The following TENT5C variants were observed in gnomAD, a reference collection of about 807,000 sequenced individuals.
The protein encoded by TENT5C is terminal nucleotidyltransferase 5C, also known as family with sequence similarity 46 member C.
In TENT5C, 5 loss-of-function variants were observed where a neutral mutation model predicts 22.2. The ratio of observed to expected loss-of-function variants is 0.22; its 90% CI spans 0.12 to 0.47. The LOEUF (loss-of-function observed/expected upper bound fraction) is 0.47, where lower values mean the gene tolerates loss of function less well. Ranked by LOEUF, TENT5C falls within the 20% of genes least tolerant of loss-of-function variation. TENT5C has a pLI of 0.99. For synonymous variants in TENT5C, 199 were observed against 195.4 expected (o/e 1.02, Z -0.15); for missense variants, 364 against 500.9 (o/e 0.73, Z 2.61).
chr1:117,607,972 T>A (rs754624649), intron 1 of TENT5C, among the ~76,000 whole-genome samples: 10 of 152,186 alleles, frequency 6.6e-5, no homozygotes, highest in Admixed American at 2.0e-4. Context: ...TACCCATAGC[T>A]TTAGAGTACA....
chr1:117,608,206 A>G (rs978366552), intron 1 of TENT5C, among the ~76,000 whole-genome samples: 3 of 152,302 alleles, frequency 2.0e-5, no homozygotes, highest in Non-Finnish European at 1.5e-5. Context: ...TTTTTTCCAC[A>G]ATACCTACCT....
In TENT5C at chr1:117,624,134, C is replaced by A; in HGVS notation, c.*90C>A. On this transcript the variant is annotated 3_prime_UTR_variant, in exon 2 of 2. Transcript: ENST00000369448. ...CCTCCTTCTAGATGTAGGCATTTGGCTTTTAAAGGGGAACTCAGCTCTGAT... is the reference window on the plus strand; with the variant it reads ...CCTCCTTCTAGATGTAGGCATTTGGATTTTAAAGGGGAACTCAGCTCTGAT... 1 of 1,067,938 alleles carries A rather than the reference C, an allele frequency of 9.4e-7. No homozygotes were observed. Among genetic ancestry groups the A allele is most frequent in the Non-Finnish European group, 1.3e-6 (1 of 754,978 alleles). The allele number at this position is 1,067,938 out of a possible 1,614,324, so 66.2% of individuals were successfully genotyped here.
chr1:117,618,073 C>T (rs570944830), intron 1 of TENT5C, among the ~76,000 whole-genome samples: 23 of 152,306 alleles, frequency 1.5e-4, no homozygotes, highest in African/African-American at 5.1e-4. Flanking sequence ...AAGTGAAAAA[C>T]TACGCCATGG....
chr1:117,620,631 C>T (rs1407559585), intron 1 of TENT5C, among the ~76,000 whole-genome samples: 1 of 152,166 alleles, frequency 6.6e-6, no homozygotes, highest in Non-Finnish European at 1.5e-5. Context: ...AGGAACTGGG[C>T]CGCACAGCAG....
rs1017544969 is a variant in TENT5C, at chr1:117,625,117, T to C, written c.*1073T>C. The C allele has an allele frequency of 8.9e-5, 22 of 247,518 alleles. No individual in the cohort carries two copies. The highest frequency in any genetic ancestry group is 1.8e-4 in the South Asian group (1 of 5,534). The allele number at this position is 247,518 out of a possible 1,614,324, so 15.3% of individuals were successfully genotyped here. A position where few individuals can be genotyped will look rare whatever the true frequency, so the allele number is the denominator to read the frequency against. Reference sequence around the variant, plus strand: ...TTTTGTTCTTTTCGTTTTTTTTTTTTCCAAAAATAGTGACTTCCTTCTCCA... The same window carrying C: ...TTTTGTTCTTTTCGTTTTTTTTTTTCCCAAAAATAGTGACTTCCTTCTCCA... On this transcript the variant is annotated 3_prime_UTR_variant, in exon 2 of 2. Coordinates refer to ENST00000369448, the MANE Select transcript of TENT5C (RefSeq NM_017709.4).
rs1558003668 is a variant in TENT5C, at chr1:117,606,087, CGCCGCTCCTGCTGGG to C, written c.-90_-76del. On this transcript the variant is annotated 5_prime_UTR_variant, in exon 1 of 2. Transcript: ENST00000369448. ...CGCTGCCTAGGGGCTGTAGAGGTCG[CGCCGCTCCTGCTGGG>C]GCCTGCCCACGCCAAGGACCTGCCT... 1 of 152,444 alleles carries C rather than the reference CGCCGCTCCTGCTGGG, an allele frequency of 6.6e-6. No homozygotes were observed. Among genetic ancestry groups the C allele is most frequent in the African/African-American group, 2.4e-5 (1 of 41,458 alleles). 9.4% of individuals were successfully genotyped at this position (152,444 alleles called of 1,614,324 possible). A position where few individuals can be genotyped will look rare whatever the true frequency, so the allele number is the denominator to read the frequency against.
At chr1:117,619,361 G>T (rs1653849415) in intron 1 of TENT5C, among the ~76,000 whole-genome samples, 1 of 152,116 alleles carries the variant, frequency 6.6e-6, no homozygotes, top group Non-Finnish European at 1.5e-5. Flanking sequence ...AAGTAAGGTT[G>T]TGACTGTAAT....
intron 1 of TENT5C, among the ~76,000 whole-genome samples, chr1:117,614,315 C>T (rs1179722857): frequency 5.3e-5 from 8 of 152,138 alleles, no homozygotes; most frequent in Non-Finnish European, 1.2e-4. Context: ...CGTTTCTGCC[C>T]GGTTATCTGC....
chr1:117,609,504 G>C (rs573635772), intron 1 of TENT5C, among the ~76,000 whole-genome samples: 1 of 152,000 alleles, frequency 6.6e-6, no homozygotes, highest in East Asian at 1.9e-4. Context: ...ACTGCATGGA[G>C]TGTTGTTTAT....
rs1343067702 is a variant in TENT5C, at chr1:117,627,037, CTG to C, written c.*2994_*2995del. On this transcript the variant is annotated 3_prime_UTR_variant, in exon 2 of 2. Transcript: ENST00000369448. ...TCATTCAATAATTTCAATGCTGAAA[CTG>C]AACTCTATTACTAATGCCTTCCAAT... 4.0e-6 allele frequency: 1 copy of C among 248,100 alleles called. No homozygotes were observed. The highest frequency in any genetic ancestry group is 2.2e-5 in the African/African-American group (1 of 45,372). The allele number at this position is 248,100 out of a possible 1,614,324, so 15.4% of individuals were successfully genotyped here. A position where few individuals can be genotyped will look rare whatever the true frequency, so the allele number is the denominator to read the frequency against.
chr1:117,614,632 G>A (rs1005246894), intron 1 of TENT5C, among the ~76,000 whole-genome samples: 2 of 152,098 alleles, frequency 1.3e-5, no homozygotes, highest in South Asian at 2.1e-4. Flanking sequence ...TTGCCGTCTC[G>A]ACTGTAGCTA....
At chr1:117,622,049 T>C (rs927017686) in intron 1 of TENT5C, among the ~76,000 whole-genome samples, 2 of 152,224 alleles carry the variant, frequency 1.3e-5, no homozygotes, top group African/African-American at 4.8e-5. Context: ...CCATGTCCTG[T>C]GTTGGGCATC....
chr1:117,609,654 G>A (rs1297034129), intron 1 of TENT5C, among the ~76,000 whole-genome samples: 1 of 152,230 alleles, frequency 6.6e-6, no homozygotes, highest in African/African-American at 2.4e-5. Flanking sequence ...AGCTGGGCTG[G>A]CTTTATCATG....
chr1:117,624,211 G>A lies in TENT5C; in HGVS notation c.*167G>A. 1 of 634,984 alleles carries A rather than the reference G, an allele frequency of 1.6e-6. No homozygotes were observed. Among genetic ancestry groups the A allele is most frequent in the Non-Finnish European group, 2.7e-6 (1 of 369,402 alleles). 39.3% of individuals were successfully genotyped at this position (634,984 alleles called of 1,614,324 possible). On this transcript the variant is annotated 3_prime_UTR_variant, in exon 2 of 2. Transcript: ENST00000369448. ...GTGTACCCATTGGAATGGGTCTACA[G>A]TGTATCATGAGCCAACCCTCAAAGG...
chr1:117,622,343 GTGTGTGTGTC>G (rs1313831708), intron 1 of TENT5C, among the ~76,000 whole-genome samples: 2 of 143,960 alleles, frequency 1.4e-5, no homozygotes, highest in Admixed American at 6.7e-5. Flanking sequence ...GTGTGTGTGT[GTGTGTGTGTC>G]TGTGTCTGTG....
chr1:117,606,076 T>A lies in TENT5C; in HGVS notation c.-105T>A, dbSNP rs1330859588. 1 of 152,238 alleles carries A rather than the reference T, an allele frequency of 6.6e-6. No individual in the cohort carries two copies. The highest frequency in any genetic ancestry group is 1.5e-5 in the Non-Finnish European group (1 of 68,206). The allele number at this position is 152,238 out of a possible 1,614,324, so 9.4% of individuals were successfully genotyped here. On this transcript the variant is annotated 5_prime_UTR_variant, in exon 1 of 2. Transcript: ENST00000369448. ...TCACTCGGTGCCGCTGCCTAGGGGC[T>A]GTAGAGGTCGCGCCGCTCCTGCTGG...
At chr1:117,616,757 T>C (rs1653789560) in intron 1 of TENT5C, among the ~76,000 whole-genome samples, 1 of 152,258 alleles carries the variant, frequency 6.6e-6, no homozygotes, top group Non-Finnish European at 1.5e-5. Context: ...TTTGTATTCA[T>C]AAACCCTCAG....
At chr1:117,616,240 T>G (rs1288849674) in intron 1 of TENT5C, among the ~76,000 whole-genome samples, 1 of 152,238 alleles carries the variant, frequency 6.6e-6, no homozygotes, top group African/African-American at 2.4e-5. Context: ...GGAATTGAAG[T>G]GAAGTGGCTC....
intron 1 of TENT5C, among the ~76,000 whole-genome samples, chr1:117,613,830 A>G (rs1379052843): frequency 6.6e-6 from 1 of 152,188 alleles, no homozygotes; most frequent in African/African-American, 2.4e-5. Flanking sequence ...TGCGTCACTG[A>G]CTTAGAAATG....
Sources: allele counts gnomAD v4.1 joint callset (sites outside exome capture counted in the v4.1 genomes callset), GRCh38; gene constraint gnomAD v4.1.1; transcripts MANE v1.5; gene names NCBI Gene and HGNC (gene_info 2026-07-23, HGNC 2026-07-21).